Variants in CFAP54 observed in about 807,000 individuals in gnomAD.
The protein encoded by CFAP54 is cilia- and flagella-associated protein 54.
CFAP54 carries 290 observed loss-of-function variants against 370.4 expected under a neutral mutation model. The ratio of observed to expected loss-of-function variants is 0.78; its 90% CI spans 0.71 to 0.86. The LOEUF (loss-of-function observed/expected upper bound fraction) is 0.86. Among genes scored for constraint, CFAP54 ranks in the 40% least tolerant of loss-of-function variants. The pLI, the probability that CFAP54 is intolerant of heterozygous loss-of-function variation, is 0.00. For missense variants in CFAP54, 3,399 were observed against 3,528.7 expected (o/e 0.96, Z 0.93); for synonymous variants, 1,206 against 1,236.5 (o/e 0.98, Z 0.52).
intron 23 of CFAP54, among the ~76,000 whole-genome samples, chr12:96,591,430 G>A (rs1384508888): frequency 6.6e-6 from 1 of 152,158 alleles, no homozygotes; most frequent in Non-Finnish European, 1.5e-5. Context: ...GCAGGCAGAA[G>A]CTTAGTGGGG....
intron 64 of CFAP54, among the ~76,000 whole-genome samples, chr12:96,813,582 A>G (rs1249290698): frequency 6.6e-6 from 1 of 152,248 alleles, no homozygotes; most frequent in African/African-American, 2.4e-5. Flanking sequence ...CAACAAAGGA[A>G]ACAATAGTGT....
At chr12:96,606,997 T>G (rs138576723) in intron 26 of CFAP54, among the ~76,000 whole-genome samples, 209 of 152,316 alleles carry the variant, frequency 1.4e-3, no homozygotes, top group African/African-American at 4.9e-3. Flanking sequence ...AGCCATTGCT[T>G]TAGTTAGGAT....
chr12:96,708,584 T>A (rs754382018), intron 47 of CFAP54, 24 bp from the exon 48 acceptor site: 97 of 1,567,390 alleles, frequency 6.2e-5, no homozygotes, highest in Non-Finnish European at 6.9e-5. Context: ...TAATTTGCTC[T>A]TTTTCCTTTT....
intron 39 of CFAP54, among the ~76,000 whole-genome samples, chr12:96,670,747 G>C (rs943120601): frequency 2.0e-5 from 3 of 152,200 alleles, no homozygotes; most frequent in African/African-American, 7.2e-5. Flanking sequence ...ATCATAGAGA[G>C]AGAGAAGTCA....
Position 96,825,540 on chromosome 12 carries a change from ATATT to A in CFAP54, c.9097-3473_9097-3470del, listed in dbSNP as rs1276524444. On this transcript the variant is annotated intron_variant, in intron 65 of 67. Coordinates refer to ENST00000524981, the MANE Select transcript of CFAP54 (RefSeq NM_001306084.2). ...TAACATATTATATATTATTTACTAT[ATATT>A]ATATATATTATATATACTATATTTA... is the stretch of plus-strand genomic sequence containing the variant. Among the ~76,000 whole-genome samples the A allele has an allele frequency of 4.5e-5, 5 of 110,000 alleles. No homozygotes were observed. The East Asian group carries it at 1.3e-3, about 29-fold the overall frequency. 72.2% of individuals were successfully genotyped at this position (110,000 alleles called of 152,430 possible).
chr12:96,721,044 C>T (rs1957746536), intron 50 of CFAP54, among the ~76,000 whole-genome samples: 1 of 151,770 alleles, frequency 6.6e-6, no homozygotes, highest in Admixed American at 6.6e-5. Flanking sequence ...TTACAGTTCT[C>T]AATAAAGCAA....
chr12:96,751,781 T>TTTTCA (rs1404678340), intron 55 of CFAP54, among the ~76,000 whole-genome samples: 1 of 152,150 alleles, frequency 6.6e-6, no homozygotes, highest in Non-Finnish European at 1.5e-5. Context: ...ACTTCCCTTG[T>TTTTCA]TTTCATTTCC....
intron 44 of CFAP54, among the ~76,000 whole-genome samples, chr12:96,692,451 T>C (rs979385830): frequency 6.6e-6 from 1 of 152,168 alleles, no homozygotes; most frequent in Non-Finnish European, 1.5e-5. Flanking sequence ...TTCTGAATAA[T>C]TGAGCAATTG....
chr12:96,708,903 T>G, intron 48 of CFAP54, 100 bp downstream of exon 48: 1 of 950,112 alleles, frequency 1.1e-6, no homozygotes, highest in Non-Finnish European at 1.5e-6. Flanking sequence ...TATATATTCT[T>G]CCACAGTTTT....
intron 48 of CFAP54, among the ~76,000 whole-genome samples, chr12:96,710,670 T>G (rs190785820): frequency 6.6e-6 from 1 of 152,198 alleles, no homozygotes; most frequent in East Asian, 1.9e-4. Context: ...AGAATTTTTT[T>G]TTTTTTGAGA....
chr12:96,833,056 A>G (rs1959175613), intron 66 of CFAP54, among the ~76,000 whole-genome samples: 1 of 152,224 alleles, frequency 6.6e-6, no homozygotes, highest in African/African-American at 2.4e-5. Flanking sequence ...ATAAATATTG[A>G]CATGCACAGC....
At chr12:96,645,872 G>A (rs1280220874) in intron 33 of CFAP54, 2 of 152,170 alleles carry the variant, frequency 1.3e-5, no homozygotes, top group African/African-American at 4.8e-5. Context: ...TTTAATAAAT[G>A]GTGCTGGGAA....
At chr12:96,504,134 A>G (rs1955063545) in intron 3 of CFAP54, 105 bp downstream of exon 3, 1 of 1,082,040 alleles carries the variant, frequency 9.2e-7, no homozygotes, top group Non-Finnish European at 1.2e-6. Context: ...CATAGCATCT[A>G]GCTGTGTGCT....
chr12:96,574,020 C>T (rs1297699466), intron 19 of CFAP54, among the ~76,000 whole-genome samples: 2 of 152,198 alleles, frequency 1.3e-5, no homozygotes, highest in South Asian at 2.1e-4. Flanking sequence ...TTAATGTCAA[C>T]CATTTCCAAT....
intron 13 of CFAP54, among the ~76,000 whole-genome samples, 183 bp from the exon 14 acceptor site, chr12:96,540,654 T>A (rs985060394): frequency 6.6e-6 from 1 of 152,254 alleles, no homozygotes; most frequent in Non-Finnish European, 1.5e-5. Flanking sequence ...AATATCATTT[T>A]AAAAGGATTA....
chr12:96,707,577 T>G (rs1222807422), intron 47 of CFAP54, among the ~76,000 whole-genome samples: 1 of 152,102 alleles, frequency 6.6e-6, no homozygotes, highest in Admixed American at 6.5e-5. Context: ...AGAGAGTTTT[T>G]GGGTTATTAA....
At chr12:96,708,853 C>G (rs1335404028) in intron 48 of CFAP54, 50 bp downstream of exon 48, 1 of 1,425,142 alleles carries the variant, frequency 7.0e-7, no homozygotes, top group Non-Finnish European at 9.7e-7. Flanking sequence ...CTTTCCCTAA[C>G]TGTTCTCCCA....
At chr12:96,794,346 G>T (rs1233394017) in intron 63 of CFAP54, among the ~76,000 whole-genome samples, 2 of 151,806 alleles carry the variant, frequency 1.3e-5, no homozygotes, top group African/African-American at 4.8e-5. Flanking sequence ...CAAACTTTTA[G>T]ATTTCTCTTC....
intron 60 of CFAP54, among the ~76,000 whole-genome samples, chr12:96,766,853 C>T (rs981066437): frequency 1.3e-5 from 2 of 152,162 alleles, no homozygotes; most frequent in Admixed American, 1.3e-4. Context: ...CCAAGATGGA[C>T]CCTAAAACTC....
Sources: gnomAD v4.1 joint callset for allele counts (sites outside exome capture counted in the v4.1 genomes callset) on GRCh38, gnomAD v4.1.1 for gene constraint, MANE v1.5 for transcripts, NCBI Gene and HGNC (gene_info 2026-07-23, HGNC 2026-07-21) for gene names.